SNAPC2: variants seen among roughly 807,000 people sequenced by gnomAD.
SNAPC2 encodes snRNA-activating protein complex subunit 2.
Under a neutral mutation model 22.9 loss-of-function variants are expected in SNAPC2, and 27 were observed. The ratio of observed to expected loss-of-function variants is 1.18; its 90% CI spans 0.87 to 1.63. The LOEUF is 1.63. Among genes scored for constraint, SNAPC2 ranks in the 40% most tolerant of loss-of-function variants. The pLI is 0.00. For synonymous variants in SNAPC2, 272 were observed against 201.0 expected (o/e 1.35, Z -2.99); for missense variants, 570 against 449.1 (o/e 1.27, Z -2.43).
At position 7,921,730 on chromosome 19, in the gene SNAPC2, T is replaced by C; in HGVS notation, c.329T>C (p.Ile110Thr). 1 of 1,613,712 alleles carries C rather than the reference T, an allele frequency of 6.2e-7. No homozygotes were observed. ...IEVWTDLAEK[I>T]TGPLEEALAV... is the part of the protein sequence containing the mutation. The stretch of plus-strand genomic sequence containing the variant: ...GTCTGGACGGATCTGGCTGAGAAGA[T>C]AACAGGGCCACTGGAAGAAGCCCTG... The change falls in exon 3 of 5, where the codon ATA becomes ACA. Residue 110 changes from isoleucine (I) to threonine (T), a missense_variant. Physicochemically the swap from Ile to Thr is moderately conservative, Grantham distance 89. Transcript: ENST00000221573.
rs768518313 is a variant in SNAPC2, at chr19:7,922,482, A to G, written c.723A>G (p.Pro241=). The G allele has an allele frequency of 3.1e-6, 5 of 1,600,724 alleles. No homozygotes were observed. Among genetic ancestry groups the G allele is most frequent in the Non-Finnish European group, 4.3e-6 (5 of 1,171,632 alleles). ...TCCTCGACCTGCTCATGTCACTTCC[A>G]GAGGAGCTGCCACTCCTGCCCTGCA... The part of the protein sequence containing the change: ...AVVLDLLMSL[P]EELPLLPCTA... Residue 241 remains proline, a synonymous_variant, in exon 5 of 5, where the codon CCA becomes CCG. Transcript: ENST00000221573.
intron 3 of SNAPC2, 103 bp from the exon 4 acceptor site, chr19:7,921,932 C>G (rs1017308152): frequency 2.8e-5 from 40 of 1,428,490 alleles, no homozygotes; most frequent in African/African-American, 7.0e-5. Context: ...GAGGCCATCT[C>G]TTGTCTGAGG....
In SNAPC2 at chr19:7,922,364, AG is replaced by A; in HGVS notation, c.685+22del. 1.2e-6 allele frequency: 2 copies of A among 1,608,062 alleles called. No homozygotes were observed. The highest frequency in any genetic ancestry group is 1.3e-5 in the African/African-American group (1 of 74,920). ...CAGCAGCTGGTGAGAAGGGTGAGGG[AG>A]GGGGCAGGAGCAGAGGGATCAAGGG... On this transcript the variant is annotated intron_variant, in intron 4 of 4. Coordinates refer to ENST00000221573, the MANE Select transcript of SNAPC2 (RefSeq NM_003083.4).
In SNAPC2 at chr19:7,923,008, C is replaced by T. The variant is rs991597071; in HGVS notation, c.*244C>T. The T allele has an allele frequency of 3.4e-5, 16 of 475,376 alleles. No homozygotes were observed. The highest frequency in any genetic ancestry group is 2.7e-4 in the Admixed American group (7 of 25,474). 29.4% of individuals were successfully genotyped at this position (475,376 alleles called of 1,614,324 possible). On this transcript the variant is annotated 3_prime_UTR_variant, in exon 5 of 5. Coordinates refer to ENST00000221573, the MANE Select transcript of SNAPC2 (RefSeq NM_003083.4). ...CAAGCCTCCTGATGTCAAGGACAGG[C>T]GGACAGGGCTGGCCTCCCCCAGTCC... is the stretch of plus-strand genomic sequence containing the variant.
rs1340401623 is a variant in SNAPC2 at position 7,922,719 on chromosome 19, G to A, written c.960G>A (p.Leu320=). The A allele has an allele frequency of 6.2e-7, 1 of 1,606,392 alleles. No homozygotes were observed. Among genetic ancestry groups the A allele is most frequent in the Non-Finnish European group, 8.5e-7 (1 of 1,174,574 alleles). ...AAGICPLNPF[L]VPLELLGRAA... ...GGATCTGTCCCCTGAACCCGTTCCT[G>A]GTGCCCCTGGAGCTTCTGGGTCGGG... Residue 320 remains leucine, a synonymous_variant, in exon 5 of 5, where the codon CTG becomes CTA. Coordinates refer to ENST00000221573, the MANE Select transcript of SNAPC2 (RefSeq NM_003083.4).
rs532084100 is a variant in SNAPC2, at chr19:7,923,149, T to C, written c.*385T>C. ...CACCTCGGGGCCAGCATCCTCACCT[T>C]CTTCAACTGACCAGTCGTGGTTACT... On this transcript the variant is annotated 3_prime_UTR_variant, in exon 5 of 5. Coordinates refer to ENST00000221573, the MANE Select transcript of SNAPC2 (RefSeq NM_003083.4). The C allele has an allele frequency of 2.5e-3, 504 of 203,330 alleles. 1 individual carries two copies. The highest frequency in any genetic ancestry group is 2.5e-3 in the Non-Finnish European group (256 of 101,974). 12.6% of individuals were successfully genotyped at this position (203,330 alleles called of 1,614,324 possible). A position where few individuals can be genotyped will look rare whatever the true frequency, so the allele number is the denominator to read the frequency against.
chr19:7,922,852 G>A lies in SNAPC2; in HGVS notation c.*88G>A, dbSNP rs922662381. The A allele has an allele frequency of 9.4e-7, 1 of 1,060,832 alleles. No homozygotes were observed. The highest frequency in any genetic ancestry group is 1.4e-6 in the Non-Finnish European group (1 of 733,578). The allele number at this position is 1,060,832 out of a possible 1,614,324, so 65.7% of individuals were successfully genotyped here. On this transcript the variant is annotated 3_prime_UTR_variant, in exon 5 of 5. Transcript: ENST00000221573. ...GGCCCTGGCTCTTTCTGAGGATCCC[G>A]TCATGGGGGAAGGTCCTTGAGATGA...
chr19:7,921,376 GC>G, intron 1 of SNAPC2, 46 bp from the exon 2 acceptor site: 1 of 1,613,210 alleles, frequency 6.2e-7, no homozygotes, highest in Non-Finnish European at 8.5e-7. Context: ...CTCTGCTGCA[GC>G]CCTGAGCTCA....
chr19:7,922,958 G>A lies in SNAPC2; in HGVS notation c.*194G>A. On this transcript the variant is annotated 3_prime_UTR_variant, in exon 5 of 5. Transcript: ENST00000221573. ...TGGAACCCCCGTTGTACAGGGGTTG[G>A]GTGGGGGTTGCAGGACTCCACTCAC... The A allele has an allele frequency of 1.8e-6, 1 of 540,714 alleles. No individual in the cohort carries two copies. The highest frequency in any genetic ancestry group is 3.1e-5 in the East Asian group (1 of 32,254). 33.5% of individuals were successfully genotyped at this position (540,714 alleles called of 1,614,324 possible).
Position 7,922,570 on chromosome 19 carries a change from G to A in SNAPC2, c.811G>A (p.Ala271Thr), listed in dbSNP as rs764686355. 22 of 1,613,444 alleles carry A rather than the reference G, an allele frequency of 1.4e-5. No individual in the cohort carries two copies. Among genetic ancestry groups the A allele is most frequent in the East Asian group, 6.7e-5 (3 of 44,856 alleles). ...LRLTAPQPIP[A>T]GGSLGPAAEG... The stretch of plus-strand genomic sequence containing the variant: ...CCTGACAGCCCCCCAGCCCATTCCC[G>A]CTGGAGGGAGCCTGGGGCCTGCAGC... The change falls in exon 5 of 5, where the codon GCT (alanine) becomes ACT (threonine). Residue 271 changes from alanine (A) to threonine (T), a missense_variant. Transcript: ENST00000221573.
In SNAPC2 at chr19:7,922,901, T is replaced by G. The variant is rs1983640101; in HGVS notation, c.*137T>G. The stretch of plus-strand genomic sequence containing the variant: ...GATGCTCAGCTGTGGGGCGGGCCTC[T>G]AAGATGCCCCATACTTTGGGGGTCT... On this transcript the variant is annotated 3_prime_UTR_variant, in exon 5 of 5. Coordinates refer to ENST00000221573, the MANE Select transcript of SNAPC2 (RefSeq NM_003083.4). 2.9e-6 allele frequency: 2 copies of G among 690,446 alleles called. No homozygotes were observed. Among genetic ancestry groups the G allele is most frequent in the Non-Finnish European group, 4.7e-6 (2 of 422,826 alleles). 42.8% of individuals were successfully genotyped at this position (690,446 alleles called of 1,614,324 possible).
At position 7,921,069 on chromosome 19, in the gene SNAPC2, C is replaced by G. The variant is rs1983552713; in HGVS notation, c.184-354C>G. ...GAATGAACTGGGAGTAAGATGCTGC[C>G]GAGTCCGGGCGAAAAGCAACGCATG... On this transcript the variant is annotated intron_variant, in intron 1 of 4. Coordinates refer to ENST00000221573, the MANE Select transcript of SNAPC2 (RefSeq NM_003083.4). 8 of 1,188,390 alleles carry G rather than the reference C, an allele frequency of 6.7e-6. No individual in the cohort carries two copies. In the Admixed American group the frequency reaches 1.3e-4, roughly 19 times the overall value. The allele number at this position is 1,188,390 out of a possible 1,614,324, so 73.6% of individuals were successfully genotyped here.
chr19:7,922,507 A>T lies in SNAPC2; in HGVS notation c.748A>T (p.Thr250Ser). The change falls in exon 5 of 5, where the codon ACA (threonine) becomes TCA (serine). Residue 250 changes from threonine to serine, a missense_variant. Physicochemically the swap from Thr to Ser is moderately conservative, Grantham distance 58 (BLOSUM62 1). Transcript: ENST00000221573. ...LPEELPLLPC[T>S]ALVEHMTETY... ...AGAGGAGCTGCCACTCCTGCCCTGC[A>T]CAGCCCTGGTTGAGCATATGACGGA... is the stretch of plus-strand genomic sequence containing the variant. 6.2e-7 allele frequency: 1 copy of T among 1,610,006 alleles called. No homozygotes were observed. The highest frequency in any genetic ancestry group is 8.5e-7 in the Non-Finnish European group (1 of 1,177,414).
Position 7,920,414 on chromosome 19 carries a change from C to T in SNAPC2, c.48C>T (p.Gly16=), listed in dbSNP as rs753989260. ...GAGCGGCCCCGGCGCGCTATCTGGG[C>T]GAGGTGACCGGTCCCGCGACCTGGA... ...RRRAAPARYL[G]EVTGPATWSA... is the part of the protein sequence containing the mutation. Residue 16 remains glycine (G), a synonymous_variant, in exon 1 of 5, where the codon GGC becomes GGT. Transcript: ENST00000221573. 1.1e-5 allele frequency: 18 copies of T among 1,581,398 alleles called. 1 individual carries two copies. Among genetic ancestry groups the T allele is most frequent in the South Asian group, 3.4e-5 (3 of 89,158 alleles).
At position 7,922,082 on chromosome 19, in the gene SNAPC2, G is replaced by GC; in HGVS notation, c.426dup (p.Lys143GlnfsTer24). On this transcript the variant is annotated frameshift_variant, in exon 4 of 5. Coordinates refer to ENST00000221573, the MANE Select transcript of SNAPC2 (RefSeq NM_003083.4). LOFTEE classifies it high-confidence loss of function. ...AACCGGTCACCCTCCTGCACTCCAA[G>GC]CCCCCCAAGCCCACGCAGGCCCGTG... 2 of 1,613,392 alleles carry GC rather than the reference G, an allele frequency of 1.2e-6. No homozygotes were observed. The highest frequency in any genetic ancestry group is 1.7e-5 in the Admixed American group (1 of 59,956).
rs758666037 is a variant in SNAPC2 at position 7,921,381 on chromosome 19, G to C, written c.184-42G>C. ...GCTTTGGCTTCTCTGCTGCAGCCCT[G>C]AGCTCATAGAAGCCTCATTCCGCCG... On this transcript the variant is annotated intron_variant, in intron 1 of 4. Transcript: ENST00000221573. 1.9e-6 allele frequency: 3 copies of C among 1,613,366 alleles called. No homozygotes were observed. In the South Asian group the frequency reaches 3.3e-5, roughly 18 times the overall value.
At chr19:7,921,829 C>G in intron 3 of SNAPC2, 56 bp downstream of exon 3, 1 of 1,553,758 alleles carries the variant, frequency 6.4e-7, no homozygotes, top group Non-Finnish European at 8.8e-7. Context: ...GTCACATGGG[C>G]CAAATCATGT....
At chr19:7,921,315 CTA>C (rs1213125626) in intron 1 of SNAPC2, 106 bp from the exon 2 acceptor site, 1 of 1,563,090 alleles carries the variant, frequency 6.4e-7, no homozygotes, top group South Asian at 1.1e-5. Flanking sequence ...CAGCAGGAGA[CTA>C]AGGCGCAGTA....
rs573507429 is a variant in SNAPC2, at chr19:7,922,994, A to G, written c.*230A>G. 8.1e-6 allele frequency: 4 copies of G among 496,204 alleles called. No individual in the cohort carries two copies. The highest frequency in any genetic ancestry group is 7.8e-5 in the African/African-American group (4 of 50,960). The allele number at this position is 496,204 out of a possible 1,614,324, so 30.7% of individuals were successfully genotyped here. A position where few individuals can be genotyped will look rare whatever the true frequency, so the allele number is the denominator to read the frequency against. ...CAGGACTCCACTCACAAGCCTCCTG[A>G]TGTCAAGGACAGGCGGACAGGGCTG... is the stretch of plus-strand genomic sequence containing the variant. On this transcript the variant is annotated 3_prime_UTR_variant, in exon 5 of 5. Transcript: ENST00000221573.
Sources: gnomAD v4.1 joint callset for allele counts on GRCh38, gnomAD v4.1.1 for gene constraint, MANE v1.5 for transcripts, NCBI Gene and HGNC (gene_info 2026-07-23, HGNC 2026-07-21) for gene names.